SKIC3: variants seen among roughly 807,000 people sequenced by gnomAD.
The protein encoded by SKIC3 is superkiller complex protein 3.
chr5:95,544,601 G>A, the SKIC3 span, among the ~76,000 whole-genome samples: 2 of 152,048 alleles, frequency 1.3e-5, no homozygotes, highest in South Asian at 4.1e-4. Flanking sequence ...CCACAACAAT[G>A]ATGTAACTAC....
At chr5:95,484,963 G>T in the SKIC3 span, 1 of 1,089,678 alleles carries the variant, frequency 9.2e-7, no homozygotes, top group Non-Finnish European at 1.4e-6. Context: ...GTTTTTCAAA[G>T]TTACATGTGC....
chr5:95,490,926 A>G, the SKIC3 span: 243 of 1,614,204 alleles, frequency 1.5e-4, 6 homozygotes, highest in South Asian at 2.6e-3. Flanking sequence ...GAAACAGCAG[A>G]TAACAGTGCC....
the SKIC3 span, among the ~76,000 whole-genome samples, chr5:95,518,083 T>G: frequency 6.6e-6 from 1 of 152,080 alleles, no homozygotes; most frequent in Non-Finnish European, 1.5e-5. Context: ...AATTAACCAG[T>G]CCATGGTATT....
At chr5:95,478,611 G>A in the SKIC3 span, among the ~76,000 whole-genome samples, 6 of 152,228 alleles carry the variant, frequency 3.9e-5, no homozygotes, top group African/African-American at 1.4e-4. Flanking sequence ...CTGTCATATT[G>A]CCAATTCTTT....
At chr5:95,553,670 C>T in the SKIC3 span, among the ~76,000 whole-genome samples, 10 of 152,186 alleles carry the variant, frequency 6.6e-5, no homozygotes, top group Non-Finnish European at 1.5e-4. Context: ...AGTGATTCTC[C>T]TGCCTCAGCC....
the SKIC3 span, among the ~76,000 whole-genome samples, chr5:95,488,669 G>C: frequency 4.6e-5 from 7 of 152,246 alleles, no homozygotes; most frequent in Admixed American, 1.3e-4. Context: ...TACAAGAAAT[G>C]CTCAATGGAA....
chr5:95,486,192 C>T, the SKIC3 span, among the ~76,000 whole-genome samples: 1 of 152,198 alleles, frequency 6.6e-6, no homozygotes, highest in Non-Finnish European at 1.5e-5. Context: ...CAGGCTGTGT[C>T]TTGCCATGCA....
chr5:95,530,328 G>A, the SKIC3 span: 14 of 1,365,540 alleles, frequency 1.0e-5, no homozygotes, highest in African/African-American at 1.7e-4. Context: ...ATATTCTTAT[G>A]CATTCTTCAC....
chr5:95,500,449 A>G, the SKIC3 span, among the ~76,000 whole-genome samples: 1 of 152,200 alleles, frequency 6.6e-6, no homozygotes, highest in Non-Finnish European at 1.5e-5. Context: ...ACAAATCGTT[A>G]GTTCCTTGTT....
the SKIC3 span, chr5:95,498,481 T>C: frequency 1.2e-6 from 2 of 1,614,092 alleles, no homozygotes; most frequent in Non-Finnish European, 1.7e-6. Flanking sequence ...GTGTTTGATG[T>C]GCTTCAGTAA....
chr5:95,482,366 T>TTCA, the SKIC3 span: 1 of 1,165,002 alleles, frequency 8.6e-7, no homozygotes, highest in South Asian at 1.2e-5. Context: ...AGAGATAACA[T>TTCA]GGTGAGAGTG....
the SKIC3 span, among the ~76,000 whole-genome samples, chr5:95,493,251 G>A: frequency 6.6e-6 from 1 of 152,094 alleles, no homozygotes; most frequent in South Asian, 2.1e-4. Context: ...TCTCAAACAG[G>A]CACTCATCTT....
At chr5:95,513,608 A>G in the SKIC3 span, 1 of 1,613,766 alleles carries the variant, frequency 6.2e-7, no homozygotes, top group Non-Finnish European at 8.5e-7. Context: ...GAAGAGATCC[A>G]TGGTGTCATA....
the SKIC3 span, chr5:95,509,572 A>G: frequency 2.7e-4 from 420 of 1,555,608 alleles, 6 homozygotes; most frequent in East Asian, 9.3e-3. Context: ...TCCTGCATCT[A>G]TCACAATTAA....
At chr5:95,504,066 TGGGAGGCCCAGGCGGGGGGTGGG>T in the SKIC3 span, 1 of 179,838 alleles carries the variant, frequency 5.6e-6, no homozygotes, top group Non-Finnish European at 9.2e-6. Context: ...CCCAGCACTT[TGGGAGGCCCAGGCGGGGGGTGGG>T]GGTGGGGGGT....
At chr5:95,547,235 G>A in the SKIC3 span, 8 of 1,241,922 alleles carry the variant, frequency 6.4e-6, no homozygotes, top group South Asian at 9.7e-5. Flanking sequence ...ATCTGAAAAG[G>A]GACCCTGGAA....
chr5:95,546,648 C>T, the SKIC3 span, among the ~76,000 whole-genome samples: 4 of 152,112 alleles, frequency 2.6e-5, no homozygotes, highest in African/African-American at 4.8e-5. Flanking sequence ...GTCTCTCCCC[C>T]GAGTCCAATT....
the SKIC3 span, chr5:95,547,038 T>C: frequency 6.2e-7 from 1 of 1,600,018 alleles, no homozygotes; most frequent in East Asian, 2.2e-5. Flanking sequence ...ACTTTCATTG[T>C]GGAAGAAAAA....
the SKIC3 span, chr5:95,498,550 A>G: frequency 6.2e-7 from 1 of 1,614,152 alleles, no homozygotes; most frequent in Admixed American, 1.7e-5. Context: ...TAGAGCACAC[A>G]GGGCTTGAAG....
Sources: allele counts gnomAD v4.1 joint callset (sites outside exome capture counted in the v4.1 genomes callset), GRCh38; gene constraint gnomAD v4.1.1; transcripts MANE v1.5; gene names NCBI Gene and HGNC (gene_info 2026-07-23, HGNC 2026-07-21).